The following SCN3A variants were observed in gnomAD, a reference collection of about 807,000 sequenced individuals.
SCN3A encodes sodium channel protein type 3 subunit alpha.
SCN3A carries 60 observed loss-of-function variants against 187.6 expected under a neutral mutation model. That is an observed-to-expected ratio of 0.32 (90% CI 0.26 to 0.40). SCN3A has a LOEUF of 0.40. SCN3A is among the 10% of genes least tolerant of loss of function. The probability of loss-of-function intolerance (pLI) is 1.00; values close to 1 mark genes in which losing one functional copy is unlikely to be tolerated. For synonymous variants in SCN3A, 788 were observed against 829.2 expected (o/e 0.95, Z 0.85); for missense variants, 1,601 against 2,428.2 (o/e 0.66, Z 7.16).
chr2:165,139,639 C>G (rs1178929475), intron 13 of SCN3A, 31 bp from the exon 14 acceptor site: 2 of 1,613,248 alleles, frequency 1.2e-6, no homozygotes, highest in Non-Finnish European at 1.7e-6. Flanking sequence ...GCTCAAACCA[C>G]TCTTCCCAAT....
chr2:165,156,083 A>C (rs1689006391), intron 9 of SCN3A, among the ~76,000 whole-genome samples, 180 bp from the exon 10 acceptor site: 1 of 152,154 alleles, frequency 6.6e-6, no homozygotes, highest in Non-Finnish European at 1.5e-5. Flanking sequence ...ATTCACTAGG[A>C]AGACCGATAG....
intron 2 of SCN3A, among the ~76,000 whole-genome samples, chr2:165,178,506 A>G (rs960553769): frequency 3.3e-5 from 5 of 152,220 alleles, no homozygotes; most frequent in Admixed American, 3.3e-4. Flanking sequence ...CTAGGATTAC[A>G]GCGGTGAGCC....
At chr2:165,099,962 C>G (rs1559182953) in intron 22 of SCN3A, among the ~76,000 whole-genome samples, 1 of 152,102 alleles carries the variant, frequency 6.6e-6, no homozygotes, top group African/African-American at 2.4e-5. Context: ...AAAGAAACTC[C>G]CCACCACGGA....
chr2:165,156,359 A>C lies in SCN3A; in HGVS notation c.1032-456T>G, dbSNP rs199500037. Among the ~76,000 whole-genome samples, 8 of 151,198 alleles carry C rather than the reference A, an allele frequency of 5.3e-5. No individual in the cohort carries two copies. The East Asian group carries it at 1.6e-3, about 30-fold the overall frequency. ...ATCTCTACTAAAAATACAAAAAAAA[A>C]ACAATTAGCTGGGCGTTGTGGTGGG... On this transcript the variant is annotated intron_variant, in intron 9 of 27. Transcript: ENST00000283254.
intron 9 of SCN3A, among the ~76,000 whole-genome samples, chr2:165,161,671 A>G (rs1211058070): frequency 6.6e-6 from 1 of 152,178 alleles, no homozygotes; most frequent in African/African-American, 2.4e-5. Context: ...TTAACTTACA[A>G]TACTCTTAGG....
In SCN3A at chr2:165,170,543, A is replaced by G. The variant is rs556962377; in HGVS notation, c.270T>C (p.Phe90=). The G allele has an allele frequency of 2.2e-5, 35 of 1,557,930 alleles. No homozygotes were observed. In the South Asian group the frequency reaches 3.5e-4, roughly 15 times the overall value. ...LDPYYINKKT[F]IVMNKGKAIF... ...TTGCCTTTCCTTTATTCATTACTATAAAAGTCTGAAAAAGAAAATACGAGT... is the reference window on the plus strand; with the variant it reads ...TTGCCTTTCCTTTATTCATTACTATGAAAGTCTGAAAAAGAAAATACGAGT... Residue 90 remains phenylalanine, a synonymous_variant, in exon 4 of 28, where the codon TTT becomes TTC. Coordinates refer to ENST00000283254, the MANE Select transcript of SCN3A (RefSeq NM_006922.4).
Position 165,090,325 on chromosome 2 carries a change from T to A in SCN3A, c.5828A>T (p.Asp1943Val). The A allele has an allele frequency of 6.2e-7, 1 of 1,613,392 alleles. No individual in the cohort carries two copies. Among genetic ancestry groups the A allele is most frequent in the East Asian group, 2.2e-5 (1 of 44,868 alleles). ...CCCATTTAGTTTGTCAATAATCATGTCTTGTTTTATAGGTAAGTCAATCCT... is the reference window on the plus strand; with the variant it reads ...CCCATTTAGTTTGTCAATAATCATGACTTGTTTTATAGGTAAGTCAATCCT... ...KGRIDLPIKQ[D>V]MIIDKLNGNS... Residue 1943 changes from aspartate to valine, a missense_variant, in exon 28 of 28, where the codon GAC (aspartate) becomes GTC (valine). Physicochemically the swap from Asp to Val is radical, Grantham distance 152. Transcript: ENST00000283254. This position sits in a 1 kb window ranked among gnomAD's most constrained non-coding sequence, Gnocchi z 4.0.
At chr2:165,153,125 A>G (rs1688792350) in intron 11 of SCN3A, among the ~76,000 whole-genome samples, 1 of 152,106 alleles carries the variant, frequency 6.6e-6, no homozygotes, top group Non-Finnish European at 1.5e-5. Flanking sequence ...TAAACAGAAT[A>G]GAGTTCAGAA....
At chr2:165,142,792 C>G (rs188549592) in intron 12 of SCN3A, among the ~76,000 whole-genome samples, 1 of 151,836 alleles carries the variant, frequency 6.6e-6, no homozygotes. Flanking sequence ...GCTCTGTCGC[C>G]CAGGCTGGAG....
intron 18 of SCN3A, among the ~76,000 whole-genome samples, chr2:165,124,425 T>G (rs1487733147): frequency 6.6e-6 from 1 of 152,110 alleles, no homozygotes; most frequent in Non-Finnish European, 1.5e-5. Context: ...TAGAAAAAGT[T>G]TTTCTATCTT....
Position 165,176,428 on chromosome 2 carries a change from T to C in SCN3A, c.-34A>G. ...CCTGCACATTTAATTACGTGTAGCT[T>C]CTTGCATACGAATTACCTGCAATAA... On this transcript the variant is annotated 5_prime_UTR_variant, in exon 3 of 28. Coordinates refer to ENST00000283254, the MANE Select transcript of SCN3A (RefSeq NM_006922.4). 6.2e-7 allele frequency: 1 copy of C among 1,613,610 alleles called. No individual in the cohort carries two copies.
intron 2 of SCN3A, among the ~76,000 whole-genome samples, chr2:165,182,530 A>G (rs1039921862): frequency 3.3e-5 from 5 of 152,196 alleles, no homozygotes; most frequent in Non-Finnish European, 5.9e-5. Flanking sequence ...CAGCCAGAGG[A>G]GTGTATTTAA....
intron 18 of SCN3A, among the ~76,000 whole-genome samples, chr2:165,117,833 C>T (rs906154493): frequency 1.3e-5 from 2 of 152,046 alleles, no homozygotes; most frequent in Non-Finnish European, 2.9e-5. Context: ...CACACAGGTA[C>T]TTTTCCATTT....
chr2:165,203,717 AC>A (rs1047781635), intron 1 of SCN3A, 105 bp downstream of exon 1: 46 of 152,110 alleles, frequency 3.0e-4, no homozygotes, highest in African/African-American at 1.1e-3. Flanking sequence ...TTACATTTAA[AC>A]AACACTGGGT....
Position 165,154,673 on chromosome 2 carries a change from G to A in SCN3A, c.1174-15C>T, listed in dbSNP as rs757391481. On this transcript the variant is annotated splice_polypyrimidine_tract_variant and intron_variant, in intron 10 of 27. Transcript: ENST00000283254. ...GCACGTAATGTCTAGGGGAAATGGG[G>A]GATAATTCCATCAGTATTTTAGTAT... The A allele has an allele frequency of 1.2e-5, 20 of 1,601,420 alleles. No homozygotes were observed. The highest frequency in any genetic ancestry group is 1.6e-5 in the Non-Finnish European group (19 of 1,168,788).
chr2:165,198,136 AAC>A (rs1402527602), intron 1 of SCN3A, among the ~76,000 whole-genome samples: 1 of 151,990 alleles, frequency 6.6e-6, no homozygotes, highest in African/African-American at 2.4e-5. Flanking sequence ...TGCAACAAAT[AAC>A]ATAGCAGAAA....
intron 3 of SCN3A, among the ~76,000 whole-genome samples, chr2:165,172,119 G>C (rs191585948): frequency 6.6e-6 from 1 of 152,006 alleles, no homozygotes; most frequent in Non-Finnish European, 1.5e-5. Context: ...TCTGTTCATT[G>C]CTCTTTTGTA....
chr2:165,103,575 T>C (rs971254876), intron 21 of SCN3A, among the ~76,000 whole-genome samples: 5 of 152,282 alleles, frequency 3.3e-5, no homozygotes, highest in Middle Eastern at 3.4e-3. Context: ...TAAATGGAAA[T>C]GTCTGTGATA....
chr2:165,166,152 AG>A (rs1689743562), intron 5 of SCN3A, among the ~76,000 whole-genome samples: 1 of 152,320 alleles, frequency 6.6e-6, no homozygotes, highest in African/African-American at 2.4e-5. Context: ...TAGAGTTACT[AG>A]GAATAAGATT....
Sources: allele counts gnomAD v4.1 joint callset (sites outside exome capture counted in the v4.1 genomes callset), GRCh38; gene constraint gnomAD v4.1.1; non-coding constraint Gnocchi (gnomAD v3.1); transcripts MANE v1.5; gene names NCBI Gene and HGNC (gene_info 2026-07-23, HGNC 2026-07-21).